Variants in ZNF541 observed in about 807,000 individuals in gnomAD.
ZNF541 encodes zinc finger protein 541.
ZNF541 carries 23 observed loss-of-function variants against 123.5 expected under a neutral mutation model. That is an observed-to-expected ratio of 0.19 (90% CI 0.13 to 0.26). The LOEUF (loss-of-function observed/expected upper bound fraction) is 0.26. Among genes scored for constraint, ZNF541 ranks in the 10% least tolerant of loss-of-function variants. ZNF541 has a pLI of 1.00. For synonymous variants in ZNF541, 751 were observed against 754.5 expected (o/e 1.00, Z 0.08); for missense variants, 1,612 against 1,789.9 (o/e 0.90, Z 1.79).
At chr19:47,571,279 A>AT (rs1012861586) in intron 2 of ZNF541, among the ~76,000 whole-genome samples, 5 of 151,868 alleles carry the variant, frequency 3.3e-5, no homozygotes, top group African/African-American at 1.2e-4. Flanking sequence ...CATCCAACTA[A>AT]TTTTTTGTAT....
chr19:47,558,746 A>AT (rs560549219), intron 2 of ZNF541, among the ~76,000 whole-genome samples: 243 of 138,224 alleles, frequency 1.8e-3, no homozygotes, highest in East Asian at 2.4e-3. Flanking sequence ...CGCCCAGCTA[A>AT]TTTTTTTTTT....
intron 2 of ZNF541, among the ~76,000 whole-genome samples, chr19:47,563,533 T>C (rs890349845): frequency 2.0e-5 from 3 of 152,222 alleles, no homozygotes; most frequent in Non-Finnish European, 4.4e-5. Context: ...TGCTATAAAC[T>C]GTTTTCACCA....
intron 2 of ZNF541, among the ~76,000 whole-genome samples, chr19:47,566,034 G>A (rs1164750904): frequency 6.6e-6 from 1 of 151,916 alleles, no homozygotes; most frequent in East Asian, 1.9e-4. Context: ...AAAATTAGCC[G>A]CGCATGGTGG....
chr19:47,567,185 C>A (rs1971299050), intron 2 of ZNF541, among the ~76,000 whole-genome samples: 1 of 152,170 alleles, frequency 6.6e-6, no homozygotes, highest in South Asian at 2.1e-4. Context: ...TCTTTAGCCA[C>A]ATACACAGAA....
chr19:47,545,517 G>C lies in ZNF541; in HGVS notation c.1012C>G (p.Pro338Ala), dbSNP rs1006140402. ...AALDTELPEE[P>A]CLPQKEPATD... is the part of the protein sequence containing the mutation. Reference sequence around the variant, plus strand: ...GCCGGCTCTTTCTGTGGGAGGCAAGGCTCCTCGGGAAGCTCGGTGTCCAGC... The same window carrying C: ...GCCGGCTCTTTCTGTGGGAGGCAAGCCTCCTCGGGAAGCTCGGTGTCCAGC... The change falls in exon 5 of 17, where the codon CCT (proline) becomes GCT (alanine). Residue 338 changes from proline (P) to alanine (A), a missense_variant. Physicochemically the swap from Pro to Ala is conservative, Grantham distance 27 (BLOSUM62 -1). Around this residue, in one of 5 missense-constraint regions of ZNF541, gnomAD observed 1,080 missense variants for 1,013.8 expected, o/e 1.07. Transcript: ENST00000391901. This position sits in a 1 kb window ranked among gnomAD's most constrained non-coding sequence, Gnocchi z 7.5. The C allele has an allele frequency of 6.6e-6, 10 of 1,510,264 alleles. No individual in the cohort carries two copies. Among genetic ancestry groups the C allele is most frequent in the Non-Finnish European group, 6.2e-6 (7 of 1,125,454 alleles). The allele number at this position is 1,510,264 out of a possible 1,614,324, so 93.6% of individuals were successfully genotyped here.
At chr19:47,546,312 A>G (rs1970356600) in intron 4 of ZNF541, among the ~76,000 whole-genome samples, 1 of 152,056 alleles carries the variant, frequency 6.6e-6, no homozygotes, top group South Asian at 2.1e-4. Flanking sequence ...GTTTGAGACC[A>G]GCCTGGCCAA....
chr19:47,555,369 CAAAAAAA>C (rs367574327), intron 3 of ZNF541, among the ~76,000 whole-genome samples, 174 bp downstream of exon 3: 2 of 63,276 alleles, frequency 3.2e-5, no homozygotes, highest in Admixed American at 1.9e-4. Flanking sequence ...GACTCCATCT[CAAAAAAA>C]AAAAAAAAAA....
chr19:47,531,810 C>G (rs547622532), intron 11 of ZNF541, 65 bp from the exon 12 acceptor site: 2 of 1,403,810 alleles, frequency 1.4e-6, no homozygotes, highest in East Asian at 5.1e-5. Flanking sequence ...AGGGAGGAAC[C>G]TTTCCCGAAA....
chr19:47,540,853 C>A (rs1188305471), intron 6 of ZNF541, 40 bp downstream of exon 6: 1 of 1,546,954 alleles, frequency 6.5e-7, no homozygotes. Context: ...CAGAGGACTC[C>A]TGCCAGGGTG....
chr19:47,567,721 A>C (rs1018823364), intron 2 of ZNF541, among the ~76,000 whole-genome samples: 8 of 152,186 alleles, frequency 5.3e-5, no homozygotes, highest in African/African-American at 1.7e-4. Context: ...GCAAGGCAAC[A>C]ATTGGTTGGA....
rs1306871442 is a variant in ZNF541 at position 47,570,767 on chromosome 19, T to C, written c.-99+1129A>G. Among the ~76,000 whole-genome samples the C allele has an allele frequency of 5.3e-5, 8 of 151,442 alleles. No individual in the cohort carries two copies. In the East Asian group the frequency reaches 1.2e-3, roughly 22 times the overall value. On this transcript the variant is annotated intron_variant, in intron 2 of 16. Transcript: ENST00000391901. Reference sequence around the variant, plus strand: ...TCTACAGCCTTCAATAATTTTTAAGTGCAAAGGGGTCTTAAGAGCAAAAGT... The same window carrying C: ...TCTACAGCCTTCAATAATTTTTAAGCGCAAAGGGGTCTTAAGAGCAAAAGT...
chr19:47,557,896 T>C (rs1970889368), intron 2 of ZNF541, among the ~76,000 whole-genome samples: 1 of 150,122 alleles, frequency 6.7e-6, no homozygotes, highest in African/African-American at 2.4e-5. Flanking sequence ...CTTTTAAGCT[T>C]GCACACTAAA....
intron 5 of ZNF541, 137 bp downstream of exon 5, chr19:47,543,989 C>T: frequency 8.4e-7 from 1 of 1,184,848 alleles, no homozygotes; most frequent in Non-Finnish European, 1.1e-6. Context: ...AAACCACAAT[C>T]TTTCGGAACC....
intron 14 of ZNF541, among the ~76,000 whole-genome samples, chr19:47,522,787 C>T (rs1464426509): frequency 6.6e-6 from 1 of 150,616 alleles, no homozygotes; most frequent in Non-Finnish European, 1.5e-5. Flanking sequence ...CGCTCTGTCG[C>T]CCAGGCTGGA....
chr19:47,542,482 G>C (rs1238071680), intron 5 of ZNF541, among the ~76,000 whole-genome samples: 1 of 150,986 alleles, frequency 6.6e-6, no homozygotes. Flanking sequence ...TGACACCCTG[G>C]CTCTACTAAA....
intron 4 of ZNF541, among the ~76,000 whole-genome samples, chr19:47,547,327 A>C (rs1355259278): frequency 6.6e-6 from 1 of 152,180 alleles, no homozygotes; most frequent in Non-Finnish European, 1.5e-5. Context: ...CCAAACAGCC[A>C]AATGTGCCTA....
At chr19:47,553,759 G>A (rs891938309) in intron 3 of ZNF541, among the ~76,000 whole-genome samples, 34 of 152,056 alleles carry the variant, frequency 2.2e-4, no homozygotes, top group Middle Eastern at 6.8e-3. Context: ...GGGCTGGAGT[G>A]GAACTCCTTA....
chr19:47,549,003 C>T (rs1459635815), intron 4 of ZNF541, among the ~76,000 whole-genome samples: 3 of 148,042 alleles, frequency 2.0e-5, no homozygotes, highest in Non-Finnish European at 3.0e-5. Flanking sequence ...CACTTGAACC[C>T]GGGAGGCGGA....
chr19:47,540,581 AG>A (rs1465589690), intron 6 of ZNF541, among the ~76,000 whole-genome samples: 2 of 152,010 alleles, frequency 1.3e-5, no homozygotes, highest in Non-Finnish European at 2.9e-5. Flanking sequence ...CTAAGATTAC[AG>A]GTGTGTGCCA....
Sources: allele counts gnomAD v4.1 joint callset (sites outside exome capture counted in the v4.1 genomes callset), GRCh38; gene constraint gnomAD v4.1.1; regional missense constraint gnomAD v4.1.1; non-coding constraint Gnocchi (gnomAD v3.1); transcripts MANE v1.5; gene names NCBI Gene and HGNC (gene_info 2026-07-23, HGNC 2026-07-21).